The following COL4A5 variants were observed in gnomAD, a reference collection of about 807,000 sequenced individuals.
COL4A5 encodes the protein collagen type IV alpha 5 chain.
A neutral mutation model predicts 130.2 loss-of-function variants in COL4A5; 26 were observed. The observed-to-expected ratio is 0.20, with a 90% CI of 0.15 to 0.28. The LOEUF (loss-of-function observed/expected upper bound fraction) is 0.28, where lower values mean the gene tolerates loss of function less well. Among genes scored for constraint, COL4A5 ranks in the 10% least tolerant of loss-of-function variants. COL4A5 has a pLI of 1.00. For missense variants in COL4A5, 1,131 were observed against 1,344.3 expected (o/e 0.84, Z 2.48); for synonymous variants, 496 against 439.6 (o/e 1.13, Z -1.60).
In COL4A5 at chrX:108,696,585, A is replaced by G. The variant is rs1040992491; in HGVS notation, c.*207A>G. ...AGAGCAAAGTCTCTATTATTTTTCT[A>G]CTAAAGAAATAAGGAAGTGAATTTA... On this transcript the variant is annotated 3_prime_UTR_variant, in exon 53 of 53. Transcript: ENST00000328300. 6 of 295,214 alleles carry G rather than the reference A, an allele frequency of 2.0e-5. No individual in the cohort carries two copies. Among genetic ancestry groups the G allele is most frequent in the Middle Eastern group, 1.9e-3 (2 of 1,045 alleles). 24.3% of individuals were successfully genotyped at this position (295,214 alleles called of 1,213,427 possible).
intron 1 of COL4A5, among the ~76,000 whole-genome samples, chrX:108,519,144 A>T (rs373088213): frequency 9.0e-6 from 1 of 111,235 alleles, no homozygotes; most frequent in East Asian, 2.8e-4. Context: ...TTGTGATAGG[A>T]TATCAATAAG....
intron 20 of COL4A5, 99 bp downstream of exon 20, chrX:108,591,330 T>C: frequency 1.2e-6 from 1 of 869,124 alleles, no homozygotes; most frequent in South Asian, 2.3e-5. Context: ...GTTGCGTTTC[T>C]GATATCTAAG....
intron 49 of COL4A5, chrX:108,689,959 A>G (rs749012267): frequency 2.7e-6 from 2 of 749,881 alleles, no homozygotes; most frequent in Admixed American, 1.7e-4. Flanking sequence ...AGGTGCAACC[A>G]GATACTCCAG....
At position 108,597,484 on chromosome X, in the gene COL4A5, C is replaced by A. The variant is rs775107748; in HGVS notation, c.1695C>A (p.Ser565=). The A allele has an allele frequency of 8.3e-7, 1 of 1,210,441 alleles. No homozygotes were observed. Among genetic ancestry groups the A allele is most frequent in the Admixed American group, 2.2e-5 (1 of 45,965 alleles). Residue 565 remains serine (S), a synonymous_variant, in exon 24 of 53, where the codon TCC becomes TCA. Transcript: ENST00000328300. Reference sequence around the variant, plus strand: ...AGGGTGACAAAGGAGAGTTGGGTTCCCCTGGAGCTCCAGGGCTTCCTGGTT... The same window carrying A: ...AGGGTGACAAAGGAGAGTTGGGTTCACCTGGAGCTCCAGGGCTTCCTGGTT... The part of the protein sequence containing the change: ...GMKGDKGELG[S]PGAPGLPGLP...
At chrX:108,448,131 G>A (rs1381768600) in intron 1 of COL4A5, among the ~76,000 whole-genome samples, 1 of 112,281 alleles carries the variant, frequency 8.9e-6, no homozygotes, top group Non-Finnish European at 1.9e-5. Flanking sequence ...GTTGAAATGG[G>A]AACCTTAAAT....
intron 36 of COL4A5, among the ~76,000 whole-genome samples, chrX:108,646,253 T>C (rs1450953805): frequency 2.7e-5 from 3 of 111,607 alleles, no homozygotes; most frequent in Non-Finnish European, 5.7e-5. Flanking sequence ...TGTTTCCTGA[T>C]TTTTTAATGA....
At chrX:108,610,388 C>G (rs2066812111) in intron 29 of COL4A5, among the ~76,000 whole-genome samples, 1 of 111,018 alleles carries the variant, frequency 9.0e-6, no homozygotes, top group South Asian at 3.8e-4. Flanking sequence ...AGCAAAAGCC[C>G]CAGACTAGCT....
intron 36 of COL4A5, among the ~76,000 whole-genome samples, chrX:108,633,903 A>C (rs981304294): frequency 1.8e-5 from 2 of 111,850 alleles, no homozygotes; most frequent in African/African-American, 6.5e-5. Context: ...GCTTTTGCAC[A>C]AATTTCAGTT....
chrX:108,482,312 T>C (rs775622727), intron 1 of COL4A5, among the ~76,000 whole-genome samples: 15 of 111,637 alleles, frequency 1.3e-4, no homozygotes, highest in Non-Finnish European at 2.4e-4. Context: ...AATCTAATTA[T>C]AGGTCTAGAA....
intron 1 of COL4A5, among the ~76,000 whole-genome samples, chrX:108,446,211 A>G (rs1360688226): frequency 2.7e-5 from 3 of 112,030 alleles, no homozygotes; most frequent in Admixed American, 1.9e-4. Context: ...ATATAGTTTT[A>G]TTTCTTACTG....
intron 36 of COL4A5, among the ~76,000 whole-genome samples, chrX:108,646,283 G>A (rs2067585139): frequency 8.9e-6 from 1 of 111,877 alleles, no homozygotes; most frequent in African/African-American, 3.3e-5. Flanking sequence ...TAACTGGTGT[G>A]AGATGGTATC....
intron 42 of COL4A5, among the ~76,000 whole-genome samples, chrX:108,672,116 A>G (rs2068219305): frequency 9.0e-6 from 1 of 111,691 alleles, no homozygotes; most frequent in African/African-American, 3.3e-5. Flanking sequence ...CTCCGTCAAC[A>G]CCTCCATCAA....
intron 13 of COL4A5, among the ~76,000 whole-genome samples, chrX:108,579,235 C>G (rs1300219945): frequency 8.9e-6 from 1 of 112,064 alleles, no homozygotes; most frequent in African/African-American, 3.2e-5. Flanking sequence ...GTAAATTTTT[C>G]TATTCTGAAT....
In COL4A5 at chrX:108,593,943, A is replaced by G. The variant is rs770871134; in HGVS notation, c.1424-1566A>G. Reference sequence around the variant, plus strand: ...TTGTTCTTCTTTTCTATATAAACTCATTTATTCAGTCTTGTGACTGTTAAT... The same window carrying G: ...TTGTTCTTCTTTTCTATATAAACTCGTTTATTCAGTCTTGTGACTGTTAAT... On this transcript the variant is annotated intron_variant, in intron 21 of 52. Coordinates refer to ENST00000328300, the MANE Select transcript of COL4A5 (RefSeq NM_033380.3). Among the ~76,000 whole-genome samples, 3 of 112,159 alleles carry G rather than the reference A, an allele frequency of 2.7e-5. No homozygotes were observed. The Admixed American group carries it at 2.8e-4, about 11-fold the overall frequency.
intron 36 of COL4A5, among the ~76,000 whole-genome samples, chrX:108,650,146 A>G (rs2067692713): frequency 8.9e-6 from 1 of 112,012 alleles, no homozygotes; most frequent in Non-Finnish European, 1.9e-5. Context: ...AAGATATACA[A>G]ATGGCCAAAA....
intron 45 of COL4A5, 45 bp downstream of exon 45, chrX:108,680,796 C>A: frequency 1.7e-6 from 2 of 1,188,911 alleles, no homozygotes; most frequent in Non-Finnish European, 2.3e-6. Flanking sequence ...TTAAACTCCT[C>A]TGGGACAAGA....
At chrX:108,582,536 T>C in intron 16 of COL4A5, 1 of 185,465 alleles carries the variant, frequency 5.4e-6, no homozygotes, top group Non-Finnish European at 9.9e-6. Context: ...TTCACCTTGA[T>C]TGTGAGGAGA....
chrX:108,660,785 G>GA (rs2067941698), intron 37 of COL4A5, among the ~76,000 whole-genome samples: 2 of 110,887 alleles, frequency 1.8e-5, no homozygotes, highest in Admixed American at 1.9e-4. Flanking sequence ...AATAACTTTG[G>GA]AAAATCTCAG....
chrX:108,605,740 T>C (rs764563437), intron 28 of COL4A5, among the ~76,000 whole-genome samples: 5 of 112,097 alleles, frequency 4.5e-5, no homozygotes, highest in African/African-American at 1.3e-4. Context: ...TGCATCTCTA[T>C]AGAGTCATCA....
Sources: allele counts gnomAD v4.1 joint callset (sites outside exome capture counted in the v4.1 genomes callset), GRCh38; gene constraint gnomAD v4.1.1; transcripts MANE v1.5; gene names NCBI Gene and HGNC (gene_info 2026-07-23, HGNC 2026-07-21).